Variants in KANK1 observed in about 807,000 individuals in gnomAD.
KANK1 encodes KN motif and ankyrin repeat domains 1.
Under a neutral mutation model 106.2 loss-of-function variants are expected in KANK1, and 109 were observed. That is an observed-to-expected ratio of 1.03 (90% CI 0.88 to 1.20). The LOEUF (loss-of-function observed/expected upper bound fraction) is 1.20. Ranked by LOEUF, KANK1 falls within the 50% of genes most tolerant of loss-of-function variation. The pLI, the probability that KANK1 is intolerant of heterozygous loss-of-function variation, is 0.00. For missense variants in KANK1, 2,399 were observed against 1,710.7 expected (o/e 1.40, Z -7.10); for synonymous variants, 873 against 652.2 (o/e 1.34, Z -5.16).
chr9:583,400 T>A (rs1385000527), intron 1 of KANK1, among the ~76,000 whole-genome samples: 4 of 152,162 alleles, frequency 2.6e-5, no homozygotes, highest in African/African-American at 9.7e-5. Context: ...TTATGATGAT[T>A]ACTTCCACTC....
chr9:523,601 G>T (rs1421078015), intron 1 of KANK1, among the ~76,000 whole-genome samples: 4 of 151,684 alleles, frequency 2.6e-5, no homozygotes, highest in African/African-American at 9.8e-5. Flanking sequence ...TTATTCTGTA[G>T]CCTCTCCTGT....
chr9:474,970 C>T (rs752751190), intron 3 of KANK1, among the ~76,000 whole-genome samples: 5 of 152,154 alleles, frequency 3.3e-5, no homozygotes, highest in Non-Finnish European at 5.9e-5. Context: ...GGGCCCCCCA[C>T]CCTGACCAGG....
rs748192548 is a variant in KANK1 at position 744,528 on chromosome 9, G to C, written c.3935G>C (p.Gly1312Ala). Residue 1312 changes from glycine (G) to alanine (A), a missense_variant, in exon 11 of 12, where the codon GGA becomes GCA. Coordinates refer to ENST00000382297, the MANE Select transcript of KANK1 (RefSeq NM_015158.5). ...GCGCTCTCAATCGCCCTGGAAGCAG[G>C]ACACAAGGACATCGCTGTTCTTCTG... ...STALSIALEA[G>A]HKDIAVLLYA... The C allele has an allele frequency of 6.2e-7, 1 of 1,614,154 alleles. No homozygotes were observed. The highest frequency in any genetic ancestry group is 8.5e-7 in the Non-Finnish European group (1 of 1,180,034).
intron 1 of KANK1, among the ~76,000 whole-genome samples, chr9:569,932 G>A (rs1441561743): frequency 6.6e-6 from 1 of 151,770 alleles, no homozygotes. Flanking sequence ...CACTTGATAC[G>A]TTGTAAGGTT....
chr9:584,576 A>G (rs1420310591), intron 1 of KANK1, among the ~76,000 whole-genome samples: 1 of 152,218 alleles, frequency 6.6e-6, no homozygotes, highest in Non-Finnish European at 1.5e-5. Context: ...ATGTTAAATA[A>G]GTAACTATCA....
At chr9:636,354 T>G (rs1837138363) in intron 1 of KANK1, among the ~76,000 whole-genome samples, 1 of 152,230 alleles carries the variant, frequency 6.6e-6, no homozygotes, top group Admixed American at 6.5e-5. Context: ...CTGCTGATCA[T>G]GCAGGGTATG....
intron 2 of KANK1, among the ~76,000 whole-genome samples, chr9:705,358 C>T (rs929382087): frequency 5.9e-5 from 9 of 152,022 alleles, no homozygotes; most frequent in Non-Finnish European, 1.2e-4. Flanking sequence ...TGGTGGCACA[C>T]GCCTGTAATC....
At chr9:739,071 C>T (rs1331692389) in intron 8 of KANK1, among the ~76,000 whole-genome samples, 1 of 152,164 alleles carries the variant, frequency 6.6e-6, no homozygotes, top group East Asian at 1.9e-4. Flanking sequence ...TTATTCTTGT[C>T]TCTCAACCAT....
At chr9:630,614 G>C (rs1402236093) in intron 1 of KANK1, among the ~76,000 whole-genome samples, 1 of 151,870 alleles carries the variant, frequency 6.6e-6, no homozygotes, top group Non-Finnish European at 1.5e-5. Context: ...GCTGCAGAAA[G>C]CTTAGGGCTG....
chr9:600,165 AAC>A (rs1827366360), intron 1 of KANK1, among the ~76,000 whole-genome samples: 1 of 151,604 alleles, frequency 6.6e-6, no homozygotes, highest in Admixed American at 6.6e-5. Flanking sequence ...CATCTTTCAA[AAC>A]AAAAGCGCTA....
At chr9:561,615 T>G (rs1221620680) in intron 1 of KANK1, among the ~76,000 whole-genome samples, 2 of 152,250 alleles carry the variant, frequency 1.3e-5, no homozygotes, top group African/African-American at 4.8e-5. Context: ...CCAAACTGCT[T>G]CTTACCAGTA....
At position 597,385 on chromosome 9, in the gene KANK1, T is replaced by TA. The variant is rs200851546; in HGVS notation, c.-83-79498dup. 8.7e-3 allele frequency among the ~76,000 whole-genome samples: 1,328 copies of TA among 151,998 alleles called. 38 individuals are homozygous for TA. The highest frequency in any genetic ancestry group is 0.029 in the African/African-American group (1,178 of 41,264). On this transcript the variant is annotated intron_variant, in intron 1 of 11. Transcript: ENST00000382297. ...CTTGCAAACATTTATTTTCCCTTTT[T>TA]AAAAAAATTATAGTCGTCCTTGTGG...
At chr9:720,955 TA>T (rs1829152695) in intron 3 of KANK1, among the ~76,000 whole-genome samples, 1 of 152,248 alleles carries the variant, frequency 6.6e-6, no homozygotes, top group African/African-American at 2.4e-5. Context: ...GAGGGGAGTC[TA>T]AATTCTTAAT....
At chr9:573,302 C>T (rs1180773005) in intron 1 of KANK1, among the ~76,000 whole-genome samples, 1 of 152,088 alleles carries the variant, frequency 6.6e-6, no homozygotes, top group Non-Finnish European at 1.5e-5. Flanking sequence ...CAGAGTCTCG[C>T]TCTGTCACCC....
At chr9:542,043 C>T (rs1349908491) in intron 1 of KANK1, among the ~76,000 whole-genome samples, 4 of 151,426 alleles carry the variant, frequency 2.6e-5, no homozygotes, top group Non-Finnish European at 5.9e-5. Context: ...GAGCCGAGAT[C>T]GCGCCACTGC....
chr9:735,051 A>G (rs1833403436), intron 7 of KANK1, among the ~76,000 whole-genome samples: 2 of 152,014 alleles, frequency 1.3e-5, no homozygotes, highest in African/African-American at 4.8e-5. Flanking sequence ...TCCTTTACCC[A>G]CCCTGGACTT....
intron 1 of KANK1, among the ~76,000 whole-genome samples, chr9:538,734 C>T (rs1337388699): frequency 6.6e-6 from 1 of 152,142 alleles, no homozygotes; most frequent in Admixed American, 6.5e-5. Flanking sequence ...ATCAGAGCCT[C>T]CATTTTCCTA....
chr9:651,892 G>T (rs1444046981), intron 1 of KANK1, among the ~76,000 whole-genome samples: 1 of 152,132 alleles, frequency 6.6e-6, no homozygotes, highest in East Asian at 1.9e-4. Flanking sequence ...AGAATCCCAT[G>T]ATAAAAAACT....
chr9:499,999 C>T (rs1012441839), upstream of KANK1, among the ~76,000 whole-genome samples: 15 of 152,158 alleles, frequency 9.9e-5, no homozygotes, highest in Non-Finnish European at 2.1e-4. Flanking sequence ...GACTCTTCCC[C>T]TCCTTGATGA....
Sources: gnomAD v4.1 joint callset for allele counts (sites outside exome capture counted in the v4.1 genomes callset) on GRCh38, gnomAD v4.1.1 for gene constraint, MANE v1.5 for transcripts, NCBI Gene and HGNC (gene_info 2026-07-23, HGNC 2026-07-21) for gene names.